Variants in SDK2 observed in about 807,000 individuals in gnomAD.
The protein encoded by SDK2 is sidekick cell adhesion molecule 2.
SDK2 carries 105 observed loss-of-function variants against 253.9 expected under a neutral mutation model. That is an observed-to-expected ratio of 0.41 (90% CI 0.35 to 0.49). The LOEUF (loss-of-function observed/expected upper bound fraction) is 0.49, where lower values mean the gene tolerates loss of function less well. Ranked by LOEUF, SDK2 falls within the 20% of genes least tolerant of loss-of-function variation. SDK2 has a pLI of 0.06. For synonymous variants in SDK2, 1,249 were observed against 1,234.9 expected (o/e 1.01, Z -0.24); for missense variants, 2,608 against 3,003.0 (o/e 0.87, Z 3.07).
At chr17:73,620,198 C>CA (rs111772920) in intron 1 of SDK2, among the ~76,000 whole-genome samples, 50,118 of 121,828 alleles carry the variant, frequency 0.41, 8,986 homozygotes, top group African/African-American at 0.49. Context: ...GATCCTGTCT[C>CA]AAAAAAAAAA....
intron 37 of SDK2, among the ~76,000 whole-genome samples, chr17:73,368,059 C>T (rs747307732): frequency 2.8e-4 from 42 of 152,066 alleles, no homozygotes; most frequent in Non-Finnish European, 5.3e-4. Context: ...ATGAACAAAG[C>T]CAGAGAGACA....
At chr17:73,508,980 GA>G (rs1403195084) in intron 1 of SDK2, among the ~76,000 whole-genome samples, 1 of 152,232 alleles carries the variant, frequency 6.6e-6, no homozygotes, top group African/African-American at 2.4e-5. Context: ...AGCCGGCGGG[GA>G]GGAGTCCAGG....
At chr17:73,620,127 G>A (rs1356977415) in intron 1 of SDK2, among the ~76,000 whole-genome samples, 2 of 151,902 alleles carry the variant, frequency 1.3e-5, no homozygotes, top group Non-Finnish European at 2.9e-5. Flanking sequence ...TAAGCCCAGG[G>A]GGTTGAGGCT....
intron 2 of SDK2, among the ~76,000 whole-genome samples, chr17:73,495,712 C>A (rs970656921): frequency 1.3e-5 from 2 of 152,030 alleles, no homozygotes; most frequent in Non-Finnish European, 2.9e-5. Flanking sequence ...AGCCTCCCCA[C>A]CTTCCCCGAT....
chr17:73,573,680 C>T (rs1043382199), intron 1 of SDK2, among the ~76,000 whole-genome samples: 1 of 152,222 alleles, frequency 6.6e-6, no homozygotes, highest in Non-Finnish European at 1.5e-5. Context: ...GCCTGCTCCC[C>T]TCCGCTCCCT....
rs1422624769 is a variant in SDK2 at position 73,421,573 on chromosome 17, C to G, written c.2045+714G>C. Among the ~76,000 whole-genome samples the G allele has an allele frequency of 8.0e-4, 73 of 90,792 alleles. 1 individual carries two copies. Among genetic ancestry groups the G allele is most frequent in the African/African-American group, 3.2e-3 (71 of 22,200 alleles). 59.6% of individuals were successfully genotyped at this position (90,792 alleles called of 152,430 possible). ...TCTGCAGCTTTTATTCAATTTCCAT[C>G]TTTTTTTTTTTTTTTTTTTTTTGAG... On this transcript the variant is annotated intron_variant, in intron 15 of 44. Transcript: ENST00000392650.
In SDK2 at chr17:73,390,151, A is replaced by G; in HGVS notation, c.4192+136T>C. ...TAGACCCCTTGCTGACTTTGACTTCAGAGATTGGAGCCCACCTTCCATTCT... is the reference window on the plus strand; with the variant it reads ...TAGACCCCTTGCTGACTTTGACTTCGGAGATTGGAGCCCACCTTCCATTCT... On this transcript the variant is annotated intron_variant, in intron 29 of 44. Coordinates refer to ENST00000392650, the MANE Select transcript of SDK2 (RefSeq NM_001144952.2). The G allele has an allele frequency of 1.0e-5, 8 of 764,480 alleles. No homozygotes were observed. In the Middle Eastern group the frequency reaches 2.6e-3, roughly 253 times the overall value. 47.4% of individuals were successfully genotyped at this position (764,480 alleles called of 1,614,324 possible).
chr17:73,398,461 GC>G (rs773216727), intron 22 of SDK2, 32 bp from the exon 23 acceptor site: 1 of 1,574,010 alleles, frequency 6.4e-7, no homozygotes, highest in Non-Finnish European at 8.7e-7. Context: ...GGCCTGTCCA[GC>G]CTACAGGGCC....
chr17:73,448,092 A>G (rs2063466665), intron 4 of SDK2, among the ~76,000 whole-genome samples: 1 of 152,222 alleles, frequency 6.6e-6, no homozygotes, highest in African/African-American at 2.4e-5. Context: ...TTCCCAGGTC[A>G]CAGCCTCCAT....
chr17:73,525,165 G>A (rs1193306383), intron 1 of SDK2, among the ~76,000 whole-genome samples: 1 of 152,198 alleles, frequency 6.6e-6, no homozygotes, highest in African/African-American at 2.4e-5. Flanking sequence ...CAAGAAGCCC[G>A]GAGAACCATG....
chr17:73,380,199 T>C (rs2062819204), intron 34 of SDK2, among the ~76,000 whole-genome samples: 1 of 152,164 alleles, frequency 6.6e-6, no homozygotes, highest in Non-Finnish European at 1.5e-5. Context: ...CCTGGGTAGG[T>C]CTACCCTTTA....
chr17:73,544,531 T>C (rs957211856), intron 1 of SDK2, among the ~76,000 whole-genome samples: 1 of 152,084 alleles, frequency 6.6e-6, no homozygotes, highest in Non-Finnish European at 1.5e-5. Flanking sequence ...GACAGATGAA[T>C]AGATGGATAA....
chr17:73,559,411 A>C (rs1005961323), intron 1 of SDK2, among the ~76,000 whole-genome samples: 1 of 152,246 alleles, frequency 6.6e-6, no homozygotes, highest in African/African-American at 2.4e-5. Flanking sequence ...GGAATAGACG[A>C]TATAACAATT....
rs569113282 is a variant in SDK2, at chr17:73,431,980, G to A, written c.1313-311C>T. On this transcript the variant is annotated intron_variant, in intron 10 of 44. Coordinates refer to ENST00000392650, the MANE Select transcript of SDK2 (RefSeq NM_001144952.2). This position sits in a 1 kb window ranked among gnomAD's most constrained non-coding sequence, Gnocchi z 5.6. Reference sequence around the variant, plus strand: ...GGGGGCGCAGTTTCCTGATGACGGTGAGCAGTAGCCCGGCACAGCCCTCAG... The same window carrying A: ...GGGGGCGCAGTTTCCTGATGACGGTAAGCAGTAGCCCGGCACAGCCCTCAG... Among the ~76,000 whole-genome samples, 67 of 152,292 alleles carry A rather than the reference G, an allele frequency of 4.4e-4. 1 individual carries two copies. The South Asian group carries it at 0.013, about 30-fold the overall frequency.
At chr17:73,413,915 G>A (rs996191651) in intron 18 of SDK2, among the ~76,000 whole-genome samples, 13 of 152,170 alleles carry the variant, frequency 8.5e-5, no homozygotes, top group African/African-American at 2.7e-4. Context: ...CACACACTAC[G>A]TGGAGTCGAG....
chr17:73,617,427 A>C (rs2046075422), intron 1 of SDK2, among the ~76,000 whole-genome samples: 1 of 152,012 alleles, frequency 6.6e-6, no homozygotes, highest in African/African-American at 2.4e-5. Context: ...AAGGCAAGGA[A>C]ATGAACCCAG....
At chr17:73,399,564 G>A (rs1284857014) in intron 21 of SDK2, among the ~76,000 whole-genome samples, 2 of 152,222 alleles carry the variant, frequency 1.3e-5, no homozygotes, top group Non-Finnish European at 1.5e-5. Flanking sequence ...GGGCCGGGAT[G>A]CCGCCTTCTT....
At chr17:73,576,368 G>C (rs1442062390) in intron 1 of SDK2, among the ~76,000 whole-genome samples, 1 of 152,120 alleles carries the variant, frequency 6.6e-6, no homozygotes, top group African/African-American at 2.4e-5. Flanking sequence ...AGGATGAGAG[G>C]GGCGTCCCAA....
chr17:73,640,429 C>G (rs1247581986), intron 1 of SDK2, among the ~76,000 whole-genome samples: 1 of 151,924 alleles, frequency 6.6e-6, no homozygotes, highest in Non-Finnish European at 1.5e-5. Context: ...CCAGAATGTT[C>G]CGGACTCCCC....
Sources: allele counts gnomAD v4.1 joint callset (sites outside exome capture counted in the v4.1 genomes callset), GRCh38; gene constraint gnomAD v4.1.1; non-coding constraint Gnocchi (gnomAD v3.1); transcripts MANE v1.5; gene names NCBI Gene and HGNC (gene_info 2026-07-23, HGNC 2026-07-21).